Variants in NCALD observed in about 807,000 individuals in gnomAD.
The protein encoded by NCALD is neurocalcin-delta.
Under a neutral mutation model 18.6 loss-of-function variants are expected in NCALD, and 10 were observed. The observed-to-expected ratio is 0.54, with a 90% CI of 0.33 to 0.91. NCALD has a LOEUF of 0.91. Among genes scored for constraint, NCALD ranks in the 40% least tolerant of loss-of-function variants. The pLI is 0.03. For synonymous variants in NCALD, 88 were observed against 87.4 expected (o/e 1.01, Z -0.04); for missense variants, 184 against 247.6 (o/e 0.74, Z 1.72).
chr8:101,827,420 T>C (rs1256693745), intron 4 of NCALD, among the ~76,000 whole-genome samples: 1 of 152,236 alleles, frequency 6.6e-6, no homozygotes, highest in East Asian at 1.9e-4. Context: ...TGGGAACCAT[T>C]ATTTAATCTA....
chr8:101,875,477 G>A (rs930755690), intron 4 of NCALD, among the ~76,000 whole-genome samples: 6 of 152,036 alleles, frequency 3.9e-5, no homozygotes, highest in South Asian at 2.1e-4. Context: ...TCGGTGCTCC[G>A]TGTCCCCTGG....
chr8:101,741,421 G>A (rs1397780584), intron 1 of NCALD, among the ~76,000 whole-genome samples: 1 of 152,076 alleles, frequency 6.6e-6, no homozygotes, highest in East Asian at 1.9e-4. Flanking sequence ...ACAGCTATGC[G>A]TTTATCATGT....
At chr8:102,000,575 T>C (rs1035323798) in intron 2 of NCALD, among the ~76,000 whole-genome samples, 5 of 152,166 alleles carry the variant, frequency 3.3e-5, no homozygotes, top group Non-Finnish European at 5.9e-5. Context: ...ATGGATAGAC[T>C]GCCTCAAGTG....
chr8:101,973,431 C>T (rs1230573695), intron 2 of NCALD, among the ~76,000 whole-genome samples: 2 of 152,126 alleles, frequency 1.3e-5, no homozygotes, highest in African/African-American at 4.8e-5. Flanking sequence ...ATGAAATAGA[C>T]TTCAGAGGCA....
rs958836377 is a variant in NCALD at position 101,729,137 on chromosome 8, G to A, written c.-19-9489C>T. Among the ~76,000 whole-genome samples, 9 of 152,162 alleles carry A rather than the reference G, an allele frequency of 5.9e-5. No individual in the cohort carries two copies. The South Asian group carries it at 1.9e-3, about 32-fold the overall frequency. The stretch of plus-strand genomic sequence containing the variant: ...TTGATTTTCACTAAGGAAAAATAAG[G>A]AAGACTAAATAAAAACCCGAAGAGC... On this transcript the variant is annotated intron_variant, in intron 1 of 3. Transcript: ENST00000220931.
At chr8:102,029,254 G>A (rs1822578614) in intron 1 of NCALD, among the ~76,000 whole-genome samples, 1 of 152,174 alleles carries the variant, frequency 6.6e-6, no homozygotes, top group African/African-American at 2.4e-5. Flanking sequence ...TGGGCCTGGA[G>A]AGGTAAAAAT....
At chr8:102,048,861 T>G (rs1367502414) in intron 1 of NCALD, among the ~76,000 whole-genome samples, 1 of 152,208 alleles carries the variant, frequency 6.6e-6, no homozygotes, top group Non-Finnish European at 1.5e-5. Context: ...TAGTTGCCTC[T>G]TACCCTTCAG....
At chr8:102,100,484 T>C (rs1201794845) in intron 1 of NCALD, among the ~76,000 whole-genome samples, 1 of 152,210 alleles carries the variant, frequency 6.6e-6, no homozygotes, top group African/African-American at 2.4e-5. Context: ...CTGGAATGTT[T>C]AGGCTTTGGG....
At chr8:101,885,695 C>T (rs962765543) in intron 4 of NCALD, among the ~76,000 whole-genome samples, 2 of 152,090 alleles carry the variant, frequency 1.3e-5, no homozygotes, top group Non-Finnish European at 2.9e-5. Context: ...AATTACCTGC[C>T]CCTGAAACAA....
intron 4 of NCALD, among the ~76,000 whole-genome samples, chr8:101,869,361 G>T (rs1815910194): frequency 6.6e-6 from 1 of 152,162 alleles, no homozygotes; most frequent in African/African-American, 2.4e-5. Context: ...AAGGGGCTCT[G>T]AGCTAAGGAA....
intron 4 of NCALD, among the ~76,000 whole-genome samples, chr8:101,815,531 G>A (rs62517311): frequency 2.0e-5 from 3 of 152,144 alleles, no homozygotes; most frequent in East Asian, 1.9e-4. Flanking sequence ...ATATGCAGAC[G>A]GCAAGTAATC....
chr8:102,070,324 T>C (rs562319080), intron 1 of NCALD, among the ~76,000 whole-genome samples: 20 of 152,228 alleles, frequency 1.3e-4, no homozygotes, highest in Admixed American at 1.2e-3. Context: ...ATTTGAAAAA[T>C]TCAAATATTT....
intron 2 of NCALD, among the ~76,000 whole-genome samples, chr8:101,925,502 T>C (rs978958237): frequency 2.0e-5 from 3 of 152,172 alleles, no homozygotes; most frequent in Admixed American, 6.5e-5. Context: ...CATTCTACAC[T>C]CATTCCCCCT....
At chr8:101,736,150 T>A (rs1809904996) in intron 1 of NCALD, among the ~76,000 whole-genome samples, 1 of 152,190 alleles carries the variant, frequency 6.6e-6, no homozygotes, top group South Asian at 2.1e-4. Flanking sequence ...AACCCCGAGC[T>A]GTCTCTTTTC....
At chr8:101,877,849 A>G (rs954392606) in intron 4 of NCALD, among the ~76,000 whole-genome samples, 7 of 152,228 alleles carry the variant, frequency 4.6e-5, no homozygotes, top group African/African-American at 1.7e-4. Context: ...CCTCCCCATC[A>G]AAACAAGCAA....
intron 1 of NCALD, among the ~76,000 whole-genome samples, chr8:102,078,105 T>G (rs1024835430): frequency 2.0e-5 from 3 of 152,176 alleles, no homozygotes; most frequent in Non-Finnish European, 4.4e-5. Flanking sequence ...ACCCTTTCCC[T>G]GTCTTCCCTC....
intron 1 of NCALD, among the ~76,000 whole-genome samples, chr8:101,756,822 A>G (rs1442391854): frequency 6.6e-6 from 1 of 152,178 alleles, no homozygotes; most frequent in Admixed American, 6.5e-5. Flanking sequence ...CAATTATTAA[A>G]TTTATCCTAT....
intron 3 of NCALD, among the ~76,000 whole-genome samples, chr8:101,896,549 A>C (rs1264974): frequency 0.074 from 11,205 of 151,814 alleles, 589 homozygotes; most frequent in African/African-American, 0.14. Context: ...TCTGCACAGC[A>C]AAAGAAACTA....
At chr8:102,111,401 T>G (rs1195816372) in intron 1 of NCALD, among the ~76,000 whole-genome samples, 1 of 142,462 alleles carries the variant, frequency 7.0e-6, no homozygotes, top group African/African-American at 2.6e-5. Flanking sequence ...TTAGATCATA[T>G]GTCTAAAGAG....
Sources: gnomAD v4.1 joint callset for allele counts (sites outside exome capture counted in the v4.1 genomes callset) on GRCh38, gnomAD v4.1.1 for gene constraint, MANE v1.5 for transcripts, NCBI Gene and HGNC (gene_info 2026-07-23, HGNC 2026-07-21) for gene names.